Variants in BRAT1 observed in about 807,000 individuals in gnomAD.
BRAT1 encodes BRCA1 associated ATM activator 1.
In BRAT1, 74 loss-of-function variants were observed where a neutral mutation model predicts 70.6. That is an observed-to-expected ratio of 1.05 (90% CI 0.87 to 1.27). The LOEUF (loss-of-function observed/expected upper bound fraction) is 1.27, where lower values mean the gene tolerates loss of function less well. Among genes scored for constraint, BRAT1 ranks in the 50% most tolerant of loss-of-function variants. BRAT1 has a pLI of 0.00. For missense variants in BRAT1, 1,203 were observed against 1,098.2 expected (o/e 1.10, Z -1.35); for synonymous variants, 615 against 517.1 (o/e 1.19, Z -2.57).
chr7:2,546,819 T>C (rs1779642146), intron 3 of BRAT1, among the ~76,000 whole-genome samples: 2 of 152,154 alleles, frequency 1.3e-5, no homozygotes, highest in African/African-American at 4.8e-5. Flanking sequence ...CACATTCTCA[T>C]TAGTTATTCA....
chr7:2,555,142 C>T (rs1293145218), intron 1 of BRAT1, among the ~76,000 whole-genome samples: 1 of 151,636 alleles, frequency 6.6e-6, no homozygotes, highest in Admixed American at 6.6e-5. Context: ...GGGCGCCTGT[C>T]TCTCCCAGGA....
At chr7:2,554,577 C>A in intron 1 of BRAT1, 130 bp from the exon 2 acceptor site, 1 of 1,140,352 alleles carries the variant, frequency 8.8e-7, no homozygotes, top group Non-Finnish European at 1.2e-6. Flanking sequence ...ACCAGGAGAA[C>A]CATGATCCCC....
rs762496445 is a variant in BRAT1 at position 2,539,329 on chromosome 7, T to C, written c.1620A>G (p.Ala540=). The change falls in exon 13 of 14, where the codon GCA becomes GCG. Residue 540 remains alanine, a synonymous_variant. Coordinates refer to ENST00000340611, the MANE Select transcript of BRAT1 (RefSeq NM_152743.4). ...GCTGAGGCACCTCTGAAGCCAAGAGTGCGCATCTGAAGTCAGCCTGTCCTG... is the reference window on the plus strand; with the variant it reads ...GCTGAGGCACCTCTGAAGCCAAGAGCGCGCATCTGAAGTCAGCCTGTCCTG... ...HWGGQADFRC[A]LLASEVPQLA... is the part of the protein sequence containing the mutation. 2.4e-5 allele frequency: 38 copies of C among 1,609,772 alleles called. No homozygotes were observed. The highest frequency in any genetic ancestry group is 3.2e-5 in the Non-Finnish European group (38 of 1,178,630).
rs1779211831 is a variant in BRAT1 at position 2,542,030 on chromosome 7, G to A, written c.1015+90C>T. On this transcript the variant is annotated intron_variant, in intron 7 of 13. Transcript: ENST00000340611. ...CCTGGGTGTGATTAAAGTGGGGCGG[G>A]GGTGGCGAGCCAGCTACTCTCATCC... 3.9e-6 allele frequency: 5 copies of A among 1,298,336 alleles called. No individual in the cohort carries two copies. In the South Asian group the frequency reaches 6.0e-5, roughly 16 times the overall value. The allele number at this position is 1,298,336 out of a possible 1,614,324, so 80.4% of individuals were successfully genotyped here.
chr7:2,538,999 C>A (rs979336709), intron 13 of BRAT1, 180 bp downstream of exon 13: 3 of 1,435,164 alleles, frequency 2.1e-6, no homozygotes, highest in Non-Finnish European at 2.7e-6. Context: ...AGACAGAAGG[C>A]GAAGCGCACA....
chr7:2,545,907 G>A (rs1057030949), intron 3 of BRAT1, among the ~76,000 whole-genome samples: 2 of 152,230 alleles, frequency 1.3e-5, no homozygotes, highest in Non-Finnish European at 2.9e-5. Context: ...TGGGTGGGCT[G>A]CTAGGGAGCC....
intron 4 of BRAT1, 41 bp downstream of exon 4, chr7:2,544,868 C>T (rs1779480355): frequency 6.5e-7 from 1 of 1,543,718 alleles, no homozygotes; most frequent in African/African-American, 1.4e-5. Context: ...TGGGATCACA[C>T]AGGCAGGATG....
At chr7:2,541,189 C>A in intron 9 of BRAT1, 109 bp downstream of exon 9, 2 of 1,431,458 alleles carry the variant, frequency 1.4e-6, no homozygotes, top group Non-Finnish European at 1.9e-6. Context: ...TCAGCCCCCA[C>A]CCCAGAGAAG....
chr7:2,543,926 G>A lies in BRAT1; in HGVS notation c.467C>T (p.Ser156Phe), dbSNP rs1462178379. 1 of 1,602,370 alleles carries A rather than the reference G, an allele frequency of 6.2e-7. No homozygotes were observed. Among genetic ancestry groups the A allele is most frequent in the Admixed American group, 1.7e-5 (1 of 59,444 alleles). ...GGCCGCCGAGGCCACAAACAGGCTGGAGTCTCCCTGCAGGGAGAAGATGGT... is the reference window on the plus strand; with the variant it reads ...GGCCGCCGAGGCCACAAACAGGCTGAAGTCTCCCTGCAGGGAGAAGATGGT... ...VDTIFSLQGD[S>F]SLFVASAASQ... Residue 156 changes from serine to phenylalanine, a missense_variant, in exon 5 of 14, where the codon TCC becomes TTC. By Grantham distance (155) the Ser-to-Phe change is radical. Coordinates refer to ENST00000340611, the MANE Select transcript of BRAT1 (RefSeq NM_152743.4). The surrounding 1 kb of genome is among the most constrained non-coding windows in gnomAD (Gnocchi z 5.5).
At chr7:2,540,039 T>A (rs888378956) in intron 10 of BRAT1, 151 bp from the exon 11 acceptor site, 2 of 581,750 alleles carry the variant, frequency 3.4e-6, no homozygotes, top group African/African-American at 3.9e-5. Flanking sequence ...GCTTCCTTCT[T>A]TTTTAGAGAC....
In BRAT1 at chr7:2,538,052, G is replaced by A; in HGVS notation, c.*17C>T. 6.5e-7 allele frequency: 1 copy of A among 1,526,734 alleles called. No individual in the cohort carries two copies. Among genetic ancestry groups the A allele is most frequent in the Non-Finnish European group, 8.8e-7 (1 of 1,134,054 alleles). 94.6% of individuals were successfully genotyped at this position (1,526,734 alleles called of 1,614,324 possible). A position where few individuals can be genotyped will look rare whatever the true frequency, so the allele number is the denominator to read the frequency against. ...CCTCCCTTGGTCCTGAGCCCCAGTGGCAGACTCTGGTTCTGCTCAGTAGCA... is the reference window on the plus strand; with the variant it reads ...CCTCCCTTGGTCCTGAGCCCCAGTGACAGACTCTGGTTCTGCTCAGTAGCA... On this transcript the variant is annotated 3_prime_UTR_variant, in exon 14 of 14. Transcript: ENST00000340611.
In BRAT1 at chr7:2,543,806, T is replaced by G. The variant is rs1266690188; in HGVS notation, c.587A>C (p.Gln196Pro). 1 of 1,612,862 alleles carries G rather than the reference T, an allele frequency of 6.2e-7. No individual in the cohort carries two copies. Among genetic ancestry groups the G allele is most frequent in the African/African-American group, 1.3e-5 (1 of 75,032 alleles). ...LPGGDWPACA[Q>P]KIMDHVEESL... ...CTCTTCAACGTGATCCATGATCTTC[T>G]GGGCACACGCGGGCCAGTCACCCCC... Residue 196 changes from glutamine to proline, a missense_variant, in exon 5 of 14, where the codon CAG becomes CCG. Gln to Pro is a moderately conservative substitution (Grantham distance 76). Coordinates refer to ENST00000340611, the MANE Select transcript of BRAT1 (RefSeq NM_152743.4). The surrounding 1 kb of genome is among the most constrained non-coding windows in gnomAD (Gnocchi z 5.5).
chr7:2,538,912 A>G (rs1269766596), intron 13 of BRAT1, 148 bp from the exon 14 acceptor site: 1 of 1,463,430 alleles, frequency 6.8e-7, no homozygotes, highest in Non-Finnish European at 9.0e-7. Flanking sequence ...CTGCGCAGTG[A>G]GCACACGGCC....
intron 4 of BRAT1, among the ~76,000 whole-genome samples, chr7:2,544,488 C>A (rs1779449861): frequency 6.6e-6 from 1 of 152,188 alleles, no homozygotes; most frequent in Non-Finnish European, 1.5e-5. Context: ...AGGCGTGAGC[C>A]ACCGTGCCCA....
At chr7:2,552,640 C>G (rs114268003) in intron 2 of BRAT1, among the ~76,000 whole-genome samples, 1,562 of 151,736 alleles carry the variant, frequency 0.01, 35 homozygotes, top group African/African-American at 0.03. Context: ...TAAAGAATAG[C>G]AGAAATTAAC....
At chr7:2,547,264 C>A (rs573491832) in intron 3 of BRAT1, 60 bp downstream of exon 3, 19 of 1,587,030 alleles carry the variant, frequency 1.2e-5, no homozygotes, top group East Asian at 4.5e-5. Context: ...CACCTGGCTG[C>A]GGGAGGAAAA....
At chr7:2,554,140 C>G (rs540388340) in intron 2 of BRAT1, among the ~76,000 whole-genome samples, 165 bp downstream of exon 2, 1 of 152,316 alleles carries the variant, frequency 6.6e-6, no homozygotes, top group Admixed American at 6.5e-5. Context: ...TTAACTTGCC[C>G]TCAGTCTGCC....
Position 2,541,015 on chromosome 7 carries a change from G to A in BRAT1, c.1359C>T (p.Leu453=), listed in dbSNP as rs895279845. ...AGCCGGGGCTCTCGAGGCACTCCAG[G>A]AGGACAGCAAGCGCCTGCGTCACCA... ...QELVTQALAV[L]LECLESPGSS... Residue 453 remains leucine (L), a synonymous_variant, in exon 10 of 14, where the codon CTC becomes CTT. Coordinates refer to ENST00000340611, the MANE Select transcript of BRAT1 (RefSeq NM_152743.4). 2 of 1,564,614 alleles carry A rather than the reference G, an allele frequency of 1.3e-6. No individual in the cohort carries two copies. Among genetic ancestry groups the A allele is most frequent in the Non-Finnish European group, 1.7e-6 (2 of 1,166,086 alleles).
chr7:2,538,661 G>GCGTGGCCGTCC lies in BRAT1; in HGVS notation c.1863_1873dup (p.Ala625GlyfsTer72), dbSNP rs767892335. On this transcript the variant is annotated frameshift_variant, in exon 14 of 14. Transcript: ENST00000340611. LOFTEE classifies it low-confidence loss of function (END_TRUNC). Reference sequence around the variant, plus strand: ...CTGCTCCGTGTCCTGGGCCGCGTCGGCGTGGCCGTCCCGCAGCCACTCAGT... The same window carrying GCGTGGCCGTCC: ...CTGCTCCGTGTCCTGGGCCGCGTCGGCGTGGCCGTCCCGTGGCCGTCCCGCAGCCACTCAGT... The GCGTGGCCGTCC allele has an allele frequency of 1.9e-6, 3 of 1,598,334 alleles. No individual in the cohort carries two copies.
Sources: gnomAD v4.1 joint callset for allele counts (sites outside exome capture counted in the v4.1 genomes callset) on GRCh38, gnomAD v4.1.1 for gene constraint, Gnocchi (gnomAD v3.1) non-coding constraint, MANE v1.5 for transcripts, NCBI Gene and HGNC (gene_info 2026-07-23, HGNC 2026-07-21) for gene names.